VWCE: variants seen among roughly 807,000 people sequenced by gnomAD.
VWCE encodes von Willebrand factor C and EGF domain-containing protein.
VWCE carries 68 observed loss-of-function variants against 102.9 expected under a neutral mutation model. The ratio of observed to expected loss-of-function variants is 0.66; its 90% CI spans 0.54 to 0.81. The LOEUF (loss-of-function observed/expected upper bound fraction) is 0.81, where lower values mean the gene tolerates loss of function less well. Among genes scored for constraint, VWCE ranks in the 30% least tolerant of loss-of-function variants. The probability of loss-of-function intolerance (pLI) is 0.00; values close to 1 mark genes in which losing one functional copy is unlikely to be tolerated. For synonymous variants in VWCE, 497 were observed against 515.4 expected (o/e 0.96, Z 0.48); for missense variants, 1,137 against 1,263.6 (o/e 0.90, Z 1.52).
In VWCE at chr11:61,280,513, C is replaced by T. The variant is rs1218751387; in HGVS notation, c.1324+111G>A. ...CCAAGGGAAGTGTGGCTTAGTAAAC[C>T]CTCCAGGAGATTCTAATGTATGCTA... On this transcript the variant is annotated intron_variant, in intron 9 of 19. Transcript: ENST00000335613. The T allele has an allele frequency of 9.9e-6, 11 of 1,116,004 alleles. No individual in the cohort carries two copies. The South Asian group carries it at 1.6e-4, about 16-fold the overall frequency. 69.1% of individuals were successfully genotyped at this position (1,116,004 alleles called of 1,614,324 possible).
intron 19 of VWCE, among the ~76,000 whole-genome samples, chr11:61,263,520 G>C (rs1032346080): frequency 8.5e-5 from 13 of 152,180 alleles, no homozygotes; most frequent in Non-Finnish European, 1.9e-4. Context: ...GATTGTCAAA[G>C]GGTACACAAT....
In VWCE at chr11:61,272,203, ACATACT is replaced by A. The variant is rs1157222023; in HGVS notation, c.1700-449_1700-444del. ...CAGACACACATGCACACAGACACAC[ACATACT>A]CATACAAATGCACATTTACATACAC... On this transcript the variant is annotated intron_variant, in intron 13 of 19. Transcript: ENST00000335613. Among the ~76,000 whole-genome samples the A allele has an allele frequency of 3.9e-5, 6 of 152,202 alleles. No homozygotes were observed. In the East Asian group the frequency reaches 5.8e-4, roughly 15 times the overall value.
intron 12 of VWCE, 110 bp from the exon 13 acceptor site, chr11:61,273,426 T>C (rs918885804): frequency 3.0e-6 from 3 of 998,068 alleles, no homozygotes; most frequent in Middle Eastern, 4.8e-4. Flanking sequence ...GCTACTCAAG[T>C]GAAACTGACA....
intron 13 of VWCE, among the ~76,000 whole-genome samples, chr11:61,272,654 A>C (rs543241585): frequency 6.6e-5 from 10 of 152,246 alleles, no homozygotes; most frequent in South Asian, 2.1e-4. Flanking sequence ...ACACAGGCAA[A>C]GACACATGTA....
chr11:61,282,783 C>A lies in VWCE; in HGVS notation c.658+6G>T. 1 of 1,613,152 alleles carries A rather than the reference C, an allele frequency of 6.2e-7. No individual in the cohort carries two copies. Among genetic ancestry groups the A allele is most frequent in the South Asian group, 1.1e-5 (1 of 91,052 alleles). ...TGTGCAGACCACAGGGTCCTCCCCG[C>A]CTTACCTACACAGGAGTGCCGGTTG... On this transcript the variant is annotated splice_donor_region_variant and intron_variant, in intron 6 of 19. Transcript: ENST00000335613.
rs747289850 is a variant in VWCE at position 61,278,498 on chromosome 11, T to C, written c.1325-22A>G. 3.8e-5 allele frequency: 62 copies of C among 1,612,190 alleles called. 1 individual carries two copies. Among genetic ancestry groups the C allele is most frequent in the Non-Finnish European group, 5.0e-5 (59 of 1,178,582 alleles). On this transcript the variant is annotated intron_variant, in intron 9 of 19. Coordinates refer to ENST00000335613, the MANE Select transcript of VWCE (RefSeq NM_152718.2). ...CAGCCTTTGAAGGACAAATAGGAGG[T>C]AGAGGCATCAGACCTCTTCAAAGAA...
chr11:61,260,189 A>G (rs2134723562), intron 19 of VWCE, among the ~76,000 whole-genome samples: 1 of 152,296 alleles, frequency 6.6e-6, no homozygotes, highest in South Asian at 2.1e-4. Flanking sequence ...CAGGTGGCAG[A>G]GGTTGCAGTG....
In VWCE at chr11:61,278,410, G is replaced by A; in HGVS notation, c.1391C>T (p.Thr464Ile). The change falls in exon 10 of 20, where the codon ACC becomes ATC. Residue 464 changes from threonine (T) to isoleucine (I), a missense_variant. Transcript: ENST00000335613. ...DVFSPPNENCTVCVCLAGNVS... is the reference protein window; with the variant it reads ...DVFSPPNENCIVCVCLAGNVS... ...GACGCTTACCAGACAGACACAGACG[G>A]TGCAGTTCTCATTGGGAGGTGAAAA... 6.2e-7 allele frequency: 1 copy of A among 1,614,176 alleles called. No homozygotes were observed. Among genetic ancestry groups the A allele is most frequent in the Admixed American group, 1.7e-5 (1 of 60,016 alleles).
rs1854710959 is a variant in VWCE, at chr11:61,271,739, C to T, written c.1721G>A (p.Gly574Glu). 20 of 1,613,510 alleles carry T rather than the reference C, an allele frequency of 1.2e-5. No individual in the cohort carries two copies. Among genetic ancestry groups the T allele is most frequent in the Non-Finnish European group, 1.7e-5 (20 of 1,179,764 alleles). ...PSTGCSLDDN[G>E]VEFPIGQIWS... ...GATCTGTCCAATCGGAAACTCAACCCCGTTGTCGTCAAGAGAGCAGCCTGG... is the reference window on the plus strand; with the variant it reads ...GATCTGTCCAATCGGAAACTCAACCTCGTTGTCGTCAAGAGAGCAGCCTGG... The change falls in exon 14 of 20, where the codon GGG (glycine) becomes GAG (glutamate). Residue 574 changes from glycine (G) to glutamate (E), a missense_variant. Physicochemically the swap from Gly to Glu is moderately conservative, Grantham distance 98 (BLOSUM62 -2). Around this residue, in one of 5 missense-constraint regions of VWCE, gnomAD observed 212 missense variants for 235.1 expected, o/e 0.90. Coordinates refer to ENST00000335613, the MANE Select transcript of VWCE (RefSeq NM_152718.2).
intron 5 of VWCE, among the ~76,000 whole-genome samples, chr11:61,284,427 T>C (rs948142348): frequency 6.6e-6 from 1 of 152,158 alleles, no homozygotes. Flanking sequence ...TAAGTGCCCA[T>C]GTACGTACGT....
intron 5 of VWCE, among the ~76,000 whole-genome samples, chr11:61,283,543 T>C (rs1218091447): frequency 6.6e-6 from 1 of 152,142 alleles, no homozygotes; most frequent in Non-Finnish European, 1.5e-5. Flanking sequence ...TCCCAAGTAG[T>C]TGGGATTACA....
chr11:61,270,268 G>C lies in VWCE; in HGVS notation c.1786-1250C>G, dbSNP rs572321305. On this transcript the variant is annotated intron_variant, in intron 14 of 19. Coordinates refer to ENST00000335613, the MANE Select transcript of VWCE (RefSeq NM_152718.2). ...GCTCATCGAAGGCACTAGAAGGCTG[G>C]GCTTCTCCCACATGAAAGTGCACAC... is the stretch of plus-strand genomic sequence containing the variant. Among the ~76,000 whole-genome samples the C allele has an allele frequency of 1.6e-4, 25 of 152,244 alleles. No individual in the cohort carries two copies. In the South Asian group the frequency reaches 3.5e-3, roughly 21 times the overall value.
At chr11:61,261,956 G>GGTTTTT (rs1854373452) in intron 19 of VWCE, among the ~76,000 whole-genome samples, 1 of 151,976 alleles carries the variant, frequency 6.6e-6, no homozygotes, top group Admixed American at 6.6e-5. Flanking sequence ...GTTACCTCTT[G>GGTTTTT]GTTTTTGTTT....
At chr11:61,266,234 A>T (rs1027808176) in intron 16 of VWCE, among the ~76,000 whole-genome samples, 6 of 152,232 alleles carry the variant, frequency 3.9e-5, no homozygotes, top group East Asian at 1.9e-4. Context: ...CTACATTTTT[A>T]AAAAAGCTAA....
Position 61,259,080 on chromosome 11 carries a change from A to G in VWCE, c.2463T>C (p.His821=). Residue 821 remains histidine, a synonymous_variant, in exon 20 of 20, where the codon CAT becomes CAC. Transcript: ENST00000335613. ...GCCCCAAAGCGAGTGAGTGTGGACC[A>G]TGAGCTCCTGCCGGGCTTGTAGGTA... ...QTLPTSPAGA[H]GPHSLALGLT... is the part of the protein sequence containing the mutation. 1 of 1,614,032 alleles carries G rather than the reference A, an allele frequency of 6.2e-7. No homozygotes were observed. The highest frequency in any genetic ancestry group is 1.3e-5 in the African/African-American group (1 of 75,032).
intron 13 of VWCE, among the ~76,000 whole-genome samples, chr11:61,272,371 T>G (rs558548145): frequency 6.7e-6 from 1 of 149,180 alleles, no homozygotes; most frequent in South Asian, 2.2e-4. Flanking sequence ...AATCATACAC[T>G]TACATGCACA....
At position 61,294,999 on chromosome 11, in the gene VWCE, C is replaced by T; in HGVS notation, c.39G>A (p.Ala13=). Residue 13 remains alanine (A), a synonymous_variant, in exon 1 of 20, where the codon GCG becomes GCA. Transcript: ENST00000335613. This position sits in a 1 kb window ranked among gnomAD's most constrained non-coding sequence, Gnocchi z 6.3. ...AGLLLRAACV[A]LLLPGAPARG... ...GGGCTGGTGCCCCCGGCAGCAGGAG[C>T]GCGACACAGGCGGCCCGAAGGAGCA... is the stretch of plus-strand genomic sequence containing the variant. 1 of 1,473,502 alleles carries T rather than the reference C, an allele frequency of 6.8e-7. No individual in the cohort carries two copies. Among genetic ancestry groups the T allele is most frequent in the Non-Finnish European group, 9.0e-7 (1 of 1,113,696 alleles). The allele number at this position is 1,473,502 out of a possible 1,614,324, so 91.3% of individuals were successfully genotyped here.
chr11:61,267,659 C>A, intron 15 of VWCE, 115 bp from the exon 16 acceptor site: 2 of 898,594 alleles, frequency 2.2e-6, no homozygotes, highest in Middle Eastern at 2.5e-4. Flanking sequence ...ATGTGCCTCC[C>A]CAGGCAGTCA....
chr11:61,273,587 C>T (rs903757889), intron 12 of VWCE: 5 of 465,880 alleles, frequency 1.1e-5, no homozygotes, highest in South Asian at 3.2e-5. Context: ...CTCACCCTCC[C>T]GCTTCCATCC....
Sources: gnomAD v4.1 joint callset for allele counts (sites outside exome capture counted in the v4.1 genomes callset) on GRCh38, gnomAD v4.1.1 for gene constraint, gnomAD v4.1.1 regional missense constraint, Gnocchi (gnomAD v3.1) non-coding constraint, MANE v1.5 for transcripts, NCBI Gene and HGNC (gene_info 2026-07-23, HGNC 2026-07-21) for gene names.